The following MPP7 variants were observed in gnomAD, a reference collection of about 807,000 sequenced individuals.
The protein encoded by MPP7 is MAGUK p55 subfamily member 7.
Under a neutral mutation model 76.5 loss-of-function variants are expected in MPP7, and 60 were observed. That is an observed-to-expected ratio of 0.78 (90% CI 0.64 to 0.97). The LOEUF is 0.97. MPP7 is among the 50% of genes least tolerant of loss of function. The pLI is 0.00. For synonymous variants in MPP7, 237 were observed against 244.5 expected, an observed-to-expected ratio of 0.97 and a Z score of 0.29; for missense variants, 641 against 694.0, an observed-to-expected ratio of 0.92 and a Z score of 0.86.
intron 1 of MPP7, among the ~76,000 whole-genome samples, chr10:28,334,004 C>T (rs1313325324): frequency 1.3e-5 from 2 of 151,994 alleles, no homozygotes; most frequent in Non-Finnish European, 1.5e-5. Context: ...ATCAGCCTGG[C>T]CAACATAGTG....
At chr10:28,181,600 G>C (rs1057021501) in intron 3 of MPP7, among the ~76,000 whole-genome samples, 2 of 152,184 alleles carry the variant, frequency 1.3e-5, no homozygotes, top group Non-Finnish European at 2.9e-5. Context: ...AACAAACTGG[G>C]CAAGACAGAG....
At chr10:28,280,738 A>G (rs1840644775) in intron 1 of MPP7, among the ~76,000 whole-genome samples, 1 of 152,114 alleles carries the variant, frequency 6.6e-6, no homozygotes, top group Non-Finnish European at 1.5e-5. Context: ...GAGGTGCAAC[A>G]GCCAAGACCC....
At chr10:28,150,904 T>C (rs961135314) in intron 3 of MPP7, among the ~76,000 whole-genome samples, 11 of 152,172 alleles carry the variant, frequency 7.2e-5, no homozygotes, top group Non-Finnish European at 1.5e-4. Context: ...GACAAACACA[T>C]AACTGTCAGC....
intron 2 of MPP7, among the ~76,000 whole-genome samples, chr10:28,325,618 C>G (rs529300944): frequency 6.6e-6 from 1 of 151,998 alleles, no homozygotes; most frequent in Non-Finnish European, 1.5e-5. Context: ...CTCAACTTCC[C>G]GAATAGCTGA....
intron 11 of MPP7, among the ~76,000 whole-genome samples, chr10:28,091,740 A>C (rs7083490): frequency 7.2e-5 from 11 of 152,150 alleles, no homozygotes; most frequent in African/African-American, 2.4e-4. Flanking sequence ...AAATTTTTTA[A>C]CTGTATCTCT....
At chr10:28,233,276 A>G (rs1389292332) in intron 2 of MPP7, among the ~76,000 whole-genome samples, 1 of 152,214 alleles carries the variant, frequency 6.6e-6, no homozygotes, top group Non-Finnish European at 1.5e-5. Context: ...TGAAAACATC[A>G]ATGAGAACTC....
chr10:28,231,248 C>T (rs1283180212), intron 2 of MPP7, among the ~76,000 whole-genome samples: 1 of 149,938 alleles, frequency 6.7e-6, no homozygotes, highest in African/African-American at 2.5e-5. Flanking sequence ...AATTCTAAAG[C>T]AAACACTTAA....
intron 2 of MPP7, among the ~76,000 whole-genome samples, chr10:28,323,906 T>C (rs1384397432): frequency 6.6e-6 from 1 of 152,132 alleles, no homozygotes; most frequent in East Asian, 1.9e-4. Context: ...TTATTAAATA[T>C]CTACTATATG....
chr10:28,157,224 AGAAAAG>A (rs1055447097), intron 3 of MPP7, among the ~76,000 whole-genome samples: 1 of 152,172 alleles, frequency 6.6e-6, no homozygotes, highest in South Asian at 2.1e-4. Flanking sequence ...AGGAAAGGAA[AGAAAAG>A]GAAAAGGAAA....
At chr10:28,139,065 G>A (rs911127850) in intron 5 of MPP7, among the ~76,000 whole-genome samples, 6 of 152,116 alleles carry the variant, frequency 3.9e-5, no homozygotes, top group Non-Finnish European at 5.9e-5. Flanking sequence ...ATGAAGGGAC[G>A]AACATAGAAA....
At chr10:28,225,651 T>C (rs189047927) in intron 2 of MPP7, among the ~76,000 whole-genome samples, 35 of 152,202 alleles carry the variant, frequency 2.3e-4, no homozygotes, top group African/African-American at 4.8e-4. Context: ...AATCAAAAAC[T>C]ATGGGAAATA....
chr10:28,193,949 G>C (rs920045708), intron 3 of MPP7, among the ~76,000 whole-genome samples: 1 of 151,806 alleles, frequency 6.6e-6, no homozygotes, highest in Non-Finnish European at 1.5e-5. Context: ...CTCACTCATT[G>C]CTGGTAGGAA....
rs1853199171 is a variant in MPP7, at chr10:28,089,730, T to A, written c.1064A>T (p.Glu355Val). 6.2e-7 allele frequency: 1 copy of A among 1,613,876 alleles called. No individual in the cohort carries two copies. Among genetic ancestry groups the A allele is most frequent in the Admixed American group, 1.7e-5 (1 of 59,992 alleles). Residue 355 changes from glutamate (E) to valine (V), a missense_variant, in exon 12 of 17, where the codon GAA becomes GTA. By Grantham distance (121) the Glu-to-Val change is moderately radical. Transcript: ENST00000683449. ...QYDTADVPTY[E>V]EVTPYRRQTN... ...TTGTCGCCGATACGGTGTCACTTCT[T>A]CGTATGTGGGTACGTCAGCTGTGTC...
intron 2 of MPP7, among the ~76,000 whole-genome samples, chr10:28,232,813 A>C (rs1838934078): frequency 6.6e-6 from 1 of 152,164 alleles, no homozygotes; most frequent in Admixed American, 6.6e-5. Context: ...GCTGCCTTCA[A>C]GGTGTTGGAA....
chr10:28,102,312 A>G (rs564254189), intron 11 of MPP7, among the ~76,000 whole-genome samples: 1 of 152,234 alleles, frequency 6.6e-6, no homozygotes, highest in South Asian at 2.1e-4. Context: ...TTGGATTATT[A>G]CAAAATTTTA....
intron 3 of MPP7, among the ~76,000 whole-genome samples, chr10:28,165,766 T>C (rs942913750): frequency 6.6e-6 from 1 of 152,142 alleles, no homozygotes; most frequent in Non-Finnish European, 1.5e-5. Flanking sequence ...GGCTCACGCC[T>C]GAAATCCCAG....
chr10:28,236,883 C>T (rs1340496595), intron 2 of MPP7: 1 of 152,118 alleles, frequency 6.6e-6, no homozygotes. Context: ...ATGCATACGC[C>T]GTACTTTGCG....
chr10:28,257,127 C>T (rs1019614466), intron 1 of MPP7, among the ~76,000 whole-genome samples: 2 of 152,148 alleles, frequency 1.3e-5, no homozygotes, highest in Admixed American at 1.3e-4. Context: ...TCAAACCTAT[C>T]CCTTTCCAAG....
upstream of MPP7, chr10:28,305,918 A>AG (rs1841251674): frequency 6.6e-6 from 1 of 152,210 alleles, no homozygotes; most frequent in Admixed American, 6.5e-5. Context: ...GACACTGAAA[A>AG]TAGTAAATGC....
Sources: gnomAD v4.1 joint callset for allele counts (sites outside exome capture counted in the v4.1 genomes callset) on GRCh38, gnomAD v4.1.1 for gene constraint, MANE v1.5 for transcripts, NCBI Gene and HGNC (gene_info 2026-07-23, HGNC 2026-07-21) for gene names.